Variants in NHS observed in about 807,000 individuals in gnomAD.
NHS encodes the protein NHS actin remodeling regulator, also known as actin remodeling regulator NHS.
A neutral mutation model predicts 72.5 loss-of-function variants in NHS; 5 were observed. The observed-to-expected ratio is 0.07, with a 90% confidence interval of 0.04 to 0.14. NHS has a LOEUF of 0.14. NHS is among the 10% of genes least tolerant of loss of function. The pLI is 1.00. For synonymous variants in NHS, 464 were observed against 547.7 expected (o/e 0.85, Z 2.13); for missense variants, 1,072 against 1,355.7 (o/e 0.79, Z 3.29).
rs766826296 is a variant in NHS at position 17,684,410 on chromosome X, G to T, written c.566-3332G>T. 9.4e-4 allele frequency among the ~76,000 whole-genome samples: 105 copies of T among 111,429 alleles called. No individual in the cohort carries two copies. In the Middle Eastern group the frequency reaches 0.014, roughly 15 times the overall value. On this transcript the variant is annotated intron_variant, in intron 1 of 8. Coordinates refer to ENST00000676302, the MANE Select transcript of NHS (RefSeq NM_001291867.2). ...GGGTCCTCTGCTCAGGGTTAACTGG[G>T]CTGAAATCAAGGTGTCAGCTGGGCT...
intron 1 of NHS, among the ~76,000 whole-genome samples, chrX:17,610,970 C>A (rs1397387844): frequency 2.7e-5 from 3 of 112,128 alleles, no homozygotes; most frequent in East Asian, 5.6e-4. Context: ...GCAGATATGC[C>A]CATTTAGAAA....
rs753142552 is a variant in NHS at position 17,576,959 on chromosome X, G to A, written c.566-110783G>A. Among the ~76,000 whole-genome samples the A allele has an allele frequency of 2.7e-5, 3 of 111,729 alleles. No homozygotes were observed. The East Asian group carries it at 8.5e-4, about 32-fold the overall frequency. Reference sequence around the variant, plus strand: ...GTGCACAGACAGGAGAACAAACAAGGAAAGAAAGAAAATGCCCTAAAGGTT... The same window carrying A: ...GTGCACAGACAGGAGAACAAACAAGAAAAGAAAGAAAATGCCCTAAAGGTT... On this transcript the variant is annotated intron_variant, in intron 1 of 8. Transcript: ENST00000676302.
chrX:17,445,766 G>T (rs1270169674), intron 1 of NHS, among the ~76,000 whole-genome samples: 2 of 93,747 alleles, frequency 2.1e-5, no homozygotes, highest in South Asian at 6.5e-4. Flanking sequence ...AGGGGGGGGG[G>T]ACTCTGTATA....
intron 1 of NHS, among the ~76,000 whole-genome samples, chrX:17,543,279 A>G (rs16980618): frequency 0.058 from 6,487 of 112,158 alleles, 438 homozygotes; most frequent in African/African-American, 0.19. Context: ...AGGGATGGAT[A>G]CAGTGCGTTT....
At chrX:17,583,367 A>C (rs1436330428) in intron 1 of NHS, among the ~76,000 whole-genome samples, 5 of 111,747 alleles carry the variant, frequency 4.5e-5, no homozygotes, top group Non-Finnish European at 9.4e-5. Flanking sequence ...TTCATTTGGT[A>C]TTGATGGATC....
chrX:17,714,149 C>CTTT (rs745730534), intron 3 of NHS, among the ~76,000 whole-genome samples: 3 of 98,482 alleles, frequency 3.0e-5, no homozygotes, highest in Non-Finnish European at 2.1e-5. Flanking sequence ...GGAAATTACT[C>CTTT]TTTTTTTTTT....
intron 1 of NHS, among the ~76,000 whole-genome samples, chrX:17,379,935 T>C (rs1569242378): frequency 8.9e-6 from 1 of 111,836 alleles, no homozygotes; most frequent in East Asian, 2.8e-4. Flanking sequence ...CTTACATAAT[T>C]ACATGTGTGA....
chrX:17,694,289 C>G (rs182297315), intron 3 of NHS, among the ~76,000 whole-genome samples: 13 of 112,044 alleles, frequency 1.2e-4, no homozygotes, highest in Non-Finnish European at 2.3e-4. Flanking sequence ...GTTTGGGTCA[C>G]TACAAGGATT....
chrX:17,582,233 C>T (rs141936791), intron 1 of NHS, among the ~76,000 whole-genome samples: 2,028 of 112,108 alleles, frequency 0.018, 12 homozygotes, highest in Non-Finnish European at 0.027. Flanking sequence ...TTCAATCAAC[C>T]ATTTGTTCTG....
intron 1 of NHS, among the ~76,000 whole-genome samples, chrX:17,442,513 C>T (rs1569255414): frequency 8.9e-6 from 1 of 112,510 alleles, no homozygotes; most frequent in East Asian, 2.8e-4. Context: ...GTCCCAGCCA[C>T]GAGGTTCCAC....
chrX:17,706,665 C>A (rs1217086576), intron 3 of NHS, among the ~76,000 whole-genome samples: 1 of 111,764 alleles, frequency 8.9e-6, no homozygotes, highest in Non-Finnish European at 1.9e-5. Context: ...ATAACAAAAT[C>A]TAGAAGATCA....
intron 1 of NHS, among the ~76,000 whole-genome samples, chrX:17,465,616 C>A (rs1323937357): frequency 1.0e-3 from 83 of 83,384 alleles, no homozygotes; most frequent in African/African-American, 1.5e-3. Context: ...TCTTCCAGGA[C>A]AAAAAAAAAA....
chrX:17,438,586 G>T (rs2064735820), intron 1 of NHS, among the ~76,000 whole-genome samples: 1 of 112,172 alleles, frequency 8.9e-6, no homozygotes, highest in Non-Finnish European at 1.9e-5. Flanking sequence ...TTCCCCAGGA[G>T]ATTCGCTTGC....
At chrX:17,712,253 GTATATATA>G (rs1216194040) in intron 3 of NHS, among the ~76,000 whole-genome samples, 1,723 of 50,127 alleles carry the variant, frequency 0.034, 53 homozygotes, top group Middle Eastern at 0.11. Flanking sequence ...TTGTGTGTGT[GTATATATA>G]TATATATATA....
intron 1 of NHS, among the ~76,000 whole-genome samples, chrX:17,533,112 C>T (rs1339889588): frequency 8.9e-6 from 1 of 111,787 alleles, no homozygotes; most frequent in African/African-American, 3.3e-5. Context: ...AAGTGTCTGC[C>T]CCGCCCACCA....
At chrX:17,583,913 C>T (rs2065558501) in intron 1 of NHS, among the ~76,000 whole-genome samples, 1 of 112,086 alleles carries the variant, frequency 8.9e-6, no homozygotes, top group African/African-American at 3.2e-5. Context: ...GCTTATTAAT[C>T]CAATTATGCA....
intron 1 of NHS, among the ~76,000 whole-genome samples, chrX:17,523,958 A>G (rs1212741835): frequency 2.7e-5 from 3 of 111,709 alleles, no homozygotes; most frequent in African/African-American, 6.5e-5. Flanking sequence ...ATTCTGGGGA[A>G]TACTCTGGAC....
chrX:17,375,652 G>A lies in NHS; in HGVS notation c.-106G>A, dbSNP rs1249742889. The A allele has an allele frequency of 1.2e-6, 1 of 862,203 alleles. No homozygotes were observed. The allele number at this position is 862,203 out of a possible 1,213,427, so 71.1% of individuals were successfully genotyped here. On this transcript the variant is annotated 5_prime_UTR_variant, in exon 1 of 9. Transcript: ENST00000676302. ...CTGCGTATCCGGACTGCCAGATCGC[G>A]CTTTTGCCGGACTCCTGCCCCCTCC...
At chrX:17,413,720 C>G (rs2064575199) in intron 1 of NHS, among the ~76,000 whole-genome samples, 1 of 111,539 alleles carries the variant, frequency 9.0e-6, no homozygotes, top group African/African-American at 3.3e-5. Flanking sequence ...AGCTATCACT[C>G]TATTAATCCT....
Sources: gnomAD v4.1 joint callset for allele counts (sites outside exome capture counted in the v4.1 genomes callset) on GRCh38, gnomAD v4.1.1 for gene constraint, MANE v1.5 for transcripts, NCBI Gene and HGNC (gene_info 2026-07-23, HGNC 2026-07-21) for gene names.